The following PTPRD variants were observed in gnomAD, a reference collection of about 807,000 sequenced individuals.
PTPRD encodes receptor-type tyrosine-protein phosphatase delta.
In PTPRD, 34 loss-of-function variants were observed where a neutral mutation model predicts 214.5. The observed-to-expected ratio is 0.16, with a 90% CI of 0.12 to 0.21. The LOEUF (loss-of-function observed/expected upper bound fraction) is 0.21, where lower values mean the gene tolerates loss of function less well. Ranked by LOEUF, PTPRD falls within the 10% of genes least tolerant of loss-of-function variation. The pLI is 1.00. For synonymous variants in PTPRD, 1,128 were observed against 845.7 expected (o/e 1.33, Z -5.79); for missense variants, 2,545 against 2,398.7 (o/e 1.06, Z -1.27).
chr9:8,643,473 C>T (rs950626853), intron 12 of PTPRD, among the ~76,000 whole-genome samples: 5 of 152,144 alleles, frequency 3.3e-5, no homozygotes, highest in Admixed American at 6.5e-5. Flanking sequence ...ATTGTGAACC[C>T]CTCATGATGG....
intron 12 of PTPRD, among the ~76,000 whole-genome samples, chr9:8,677,054 G>T (rs10046849): frequency 0.012 from 1,768 of 152,170 alleles, 40 homozygotes; most frequent in African/African-American, 0.037. Flanking sequence ...TAATCAAACG[G>T]CATTTTTAAA....
chr9:9,777,225 G>C lies in PTPRD; in HGVS notation c.-367-10374C>G, dbSNP rs568610036. On this transcript the variant is annotated intron_variant, in intron 5 of 45. Coordinates refer to ENST00000381196, the MANE Select transcript of PTPRD (RefSeq NM_002839.4). Reference sequence around the variant, plus strand: ...AAATACATTTTTAAAAACATTCTAAGTCCAGGATACTTATTTTGGAGGAGA... The same window carrying C: ...AAATACATTTTTAAAAACATTCTAACTCCAGGATACTTATTTTGGAGGAGA... Among the ~76,000 whole-genome samples the C allele has an allele frequency of 2.0e-5, 3 of 152,008 alleles. No individual in the cohort carries two copies. In the South Asian group the frequency reaches 6.2e-4, roughly 32 times the overall value.
chr9:8,461,462 A>C (rs1314127718), intron 32 of PTPRD, among the ~76,000 whole-genome samples: 1 of 151,904 alleles, frequency 6.6e-6, no homozygotes, highest in Non-Finnish European at 1.5e-5. Flanking sequence ...CTATATTAGG[A>C]AAACATCTTC....
At chr9:9,659,873 T>C (rs1032876141) in intron 7 of PTPRD, among the ~76,000 whole-genome samples, 1 of 152,040 alleles carries the variant, frequency 6.6e-6, no homozygotes, top group Non-Finnish European at 1.5e-5. Context: ...ACTTTGGAGA[T>C]GAGGATACCT....
At chr9:9,054,358 G>C (rs2099692351) in intron 10 of PTPRD, among the ~76,000 whole-genome samples, 1 of 152,190 alleles carries the variant, frequency 6.6e-6, no homozygotes, top group Non-Finnish European at 1.5e-5. Context: ...AAACATCTGA[G>C]ACTTCTCTGG....
intron 9 of PTPRD, among the ~76,000 whole-genome samples, chr9:9,336,600 T>C (rs1238529662): frequency 1.3e-5 from 2 of 152,114 alleles, no homozygotes; most frequent in Non-Finnish European, 2.9e-5. Flanking sequence ...AGGTAATATG[T>C]GTTCTGGGAT....
chr9:10,494,046 C>G (rs1305195648), intron 2 of PTPRD, among the ~76,000 whole-genome samples: 1 of 151,900 alleles, frequency 6.6e-6, no homozygotes, highest in Non-Finnish European at 1.5e-5. Context: ...AATTAACACG[C>G]TGGGATTTGT....
intron 14 of PTPRD, among the ~76,000 whole-genome samples, chr9:8,554,110 C>T (rs762498864): frequency 1.3e-5 from 2 of 152,134 alleles, no homozygotes; most frequent in Non-Finnish European, 2.9e-5. Context: ...ATCACTTGAA[C>T]CCAGGAGGCG....
At chr9:10,062,758 TG>T (rs1475797783) in intron 3 of PTPRD, among the ~76,000 whole-genome samples, 2 of 152,030 alleles carry the variant, frequency 1.3e-5, no homozygotes, top group African/African-American at 4.8e-5. Flanking sequence ...TTTTTTCCCC[TG>T]AAAATCTATG....
chr9:8,431,017 G>C (rs1590217527), intron 35 of PTPRD, among the ~76,000 whole-genome samples: 2 of 152,256 alleles, frequency 1.3e-5, no homozygotes, highest in Admixed American at 1.3e-4. Flanking sequence ...CTTTTCTGTA[G>C]TACTGTAGTG....
At chr9:10,144,290 T>C (rs2099007775) in intron 3 of PTPRD, among the ~76,000 whole-genome samples, 1 of 152,072 alleles carries the variant, frequency 6.6e-6, no homozygotes, top group Non-Finnish European at 1.5e-5. Flanking sequence ...GTAACATCTG[T>C]TCCCCATTTA....
In PTPRD at chr9:8,843,927, G is replaced by A. The variant is rs181128259; in HGVS notation, c.-103-109981C>T. Among the ~76,000 whole-genome samples the A allele has an allele frequency of 6.6e-5, 10 of 152,272 alleles. No homozygotes were observed. The East Asian group carries it at 1.5e-3, about 24-fold the overall frequency. On this transcript the variant is annotated intron_variant, in intron 11 of 45. Coordinates refer to ENST00000381196, the MANE Select transcript of PTPRD (RefSeq NM_002839.4). ...CTTAGGTTCCTCAGCAAAACAACAT[G>A]AGGTTTACTCTCAGGTCCTTTCCAG...
intron 7 of PTPRD, among the ~76,000 whole-genome samples, chr9:9,646,084 T>C (rs1313608016): frequency 6.6e-6 from 1 of 152,204 alleles, no homozygotes; most frequent in Non-Finnish European, 1.5e-5. Context: ...TTTACAATTA[T>C]TTTTACTTAG....
chr9:8,500,558 GAAAAAA>G lies in PTPRD; in HGVS notation c.2128+190_2128+195del, dbSNP rs146807692. Among the ~76,000 whole-genome samples the G allele has an allele frequency of 1.6e-3, 23 of 14,312 alleles. 1 individual carries two copies. Among genetic ancestry groups the G allele is most frequent in the African/African-American group, 6.3e-3 (20 of 3,188 alleles). 9.4% of individuals were successfully genotyped at this position (14,312 alleles called of 152,430 possible). ...TTACTGCATTGAGATTGAAAAAAATGAAAAAAAAAAAAAAAAAAAAAAAAAAAAAAA... is the reference window on the plus strand; with the variant it reads ...TTACTGCATTGAGATTGAAAAAAATGAAAAAAAAAAAAAAAAAAAAAAAAA... On this transcript the variant is annotated intron_variant, in intron 24 of 45. Transcript: ENST00000381196.
At chr9:9,085,909 C>G (rs2099766421) in intron 10 of PTPRD, among the ~76,000 whole-genome samples, 1 of 152,188 alleles carries the variant, frequency 6.6e-6, no homozygotes, top group Non-Finnish European at 1.5e-5. Flanking sequence ...TTACTTGTGT[C>G]CAACCCTAAG....
chr9:8,580,193 T>C (rs1302947108), intron 14 of PTPRD, among the ~76,000 whole-genome samples: 4 of 152,186 alleles, frequency 2.6e-5, no homozygotes, highest in African/African-American at 9.6e-5. Flanking sequence ...GAAAAAAGAC[T>C]AGTTTGCCTT....
chr9:9,270,919 G>A (rs1389905916), intron 9 of PTPRD, among the ~76,000 whole-genome samples: 1 of 151,128 alleles, frequency 6.6e-6, no homozygotes, highest in Non-Finnish European at 1.5e-5. Flanking sequence ...AACACTCTTC[G>A]AATTATTGCC....
chr9:9,681,190 A>T (rs558013883), intron 7 of PTPRD, among the ~76,000 whole-genome samples: 1 of 151,928 alleles, frequency 6.6e-6, no homozygotes, highest in South Asian at 2.1e-4. Context: ...TAATGAAAAC[A>T]TTTATATTTT....
At chr9:8,836,861 T>C (rs1252965379) in intron 11 of PTPRD, among the ~76,000 whole-genome samples, 1 of 151,850 alleles carries the variant, frequency 6.6e-6, no homozygotes, top group Non-Finnish European at 1.5e-5. Flanking sequence ...ATTAGACTAG[T>C]AGCAGACTCC....
Sources: gnomAD v4.1 joint callset for allele counts (sites outside exome capture counted in the v4.1 genomes callset) on GRCh38, gnomAD v4.1.1 for gene constraint, MANE v1.5 for transcripts, NCBI Gene and HGNC (gene_info 2026-07-23, HGNC 2026-07-21) for gene names.